RBM20: variants seen among roughly 807,000 people sequenced by gnomAD.
The protein encoded by RBM20 is RNA binding motif protein 20, also known as RNA-binding protein 20.
In RBM20, 51 loss-of-function variants were observed where a neutral mutation model predicts 110.1. That is an observed-to-expected ratio of 0.46 (90% CI 0.37 to 0.59). The LOEUF (loss-of-function observed/expected upper bound fraction) is 0.59, where lower values mean the gene tolerates loss of function less well. Among genes scored for constraint, RBM20 ranks in the 20% least tolerant of loss-of-function variants. The pLI is 0.00. For synonymous variants in RBM20, 589 were observed against 618.2 expected, an observed-to-expected ratio of 0.95 and a Z score of 0.70; for missense variants, 1,512 against 1,574.9, an observed-to-expected ratio of 0.96 and a Z score of 0.68.
chr10:110,782,545 T>C (rs918478769), intron 2 of RBM20, among the ~76,000 whole-genome samples: 2 of 152,234 alleles, frequency 1.3e-5, no homozygotes, highest in Non-Finnish European at 2.9e-5. Context: ...ACCCTTTCTG[T>C]GTGCCAGCAG....
chr10:110,811,936 G>A (rs10885051), intron 8 of RBM20, among the ~76,000 whole-genome samples: 1 of 151,942 alleles, frequency 6.6e-6, no homozygotes, highest in East Asian at 1.9e-4. Context: ...CCCAGGAGGA[G>A]AGTCAGAGGT....
At chr10:110,816,150 G>T in intron 9 of RBM20, among the ~76,000 whole-genome samples, 1 of 152,052 alleles carries the variant, frequency 6.6e-6, no homozygotes, top group East Asian at 1.9e-4. Flanking sequence ...TGCTGCTGCC[G>T]AGGAGCCACA....
chr10:110,748,805 C>T (rs866559156), intron 1 of RBM20, among the ~76,000 whole-genome samples: 24 of 152,172 alleles, frequency 1.6e-4, no homozygotes, highest in Non-Finnish European at 4.4e-5. Flanking sequence ...GGGCAATCAT[C>T]ATGACTATTT....
chr10:110,828,610 AG>A (rs1845010886), intron 12 of RBM20, among the ~76,000 whole-genome samples: 1 of 152,210 alleles, frequency 6.6e-6, no homozygotes, highest in Admixed American at 6.5e-5. Flanking sequence ...TCTCCAAACC[AG>A]TATTTTTGAG....
chr10:110,784,232 T>G (rs1188299421), intron 3 of RBM20, 109 bp from the exon 4 acceptor site: 1 of 754,972 alleles, frequency 1.3e-6, no homozygotes, highest in East Asian at 2.7e-5. Context: ...TTTGAACACC[T>G]GTTTTCAACT....
intron 10 of RBM20, 42 bp downstream of exon 10, chr10:110,820,218 T>TCCTGTGACTCAGTCCCTCATG: frequency 1.4e-6 from 2 of 1,379,768 alleles, no homozygotes; most frequent in Non-Finnish European, 2.0e-6. Flanking sequence ...CATGAGGGAC[T>TCCTGTGACTCAGTCCCTCATG]GAGTCACAGG....
intron 1 of RBM20, among the ~76,000 whole-genome samples, chr10:110,662,616 A>G (rs1862121001): frequency 6.6e-6 from 1 of 152,248 alleles, no homozygotes; most frequent in Admixed American, 6.5e-5. Flanking sequence ...ATATCTAGCA[A>G]AAGTACATGT....
chr10:110,833,129 A>C (rs894689286), intron 13 of RBM20, among the ~76,000 whole-genome samples: 2 of 151,440 alleles, frequency 1.3e-5, no homozygotes, highest in African/African-American at 4.9e-5. Context: ...AGTGGCTCAC[A>C]CCTGTAATCC....
At chr10:110,823,740 C>T (rs1251527234) in intron 12 of RBM20, 126 bp downstream of exon 12, 2 of 1,008,402 alleles carry the variant, frequency 2.0e-6, no homozygotes, top group Non-Finnish European at 3.0e-6. Context: ...TCTTTTGAGA[C>T]AAGGTCTCAC....
At chr10:110,832,875 C>T (rs1034584112) in intron 13 of RBM20, among the ~76,000 whole-genome samples, 3 of 152,206 alleles carry the variant, frequency 2.0e-5, no homozygotes, top group South Asian at 2.1e-4. Context: ...CTAGGCCTCT[C>T]CTCGGGCAAG....
At chr10:110,749,241 A>G (rs906013872) in intron 1 of RBM20, among the ~76,000 whole-genome samples, 1 of 152,232 alleles carries the variant, frequency 6.6e-6, no homozygotes, top group Non-Finnish European at 1.5e-5. Context: ...TGGAGATGAT[A>G]TGGTTGTGTA....
Position 110,810,414 on chromosome 10 carries a change from A to T in RBM20, c.1832A>T (p.Gln611Leu). Residue 611 changes from glutamine (Q) to leucine (L), a missense_variant, in exon 8 of 14, where the codon CAG (glutamine) becomes CTG (leucine). Physicochemically the swap from Gln to Leu is moderately radical, Grantham distance 113. Coordinates refer to ENST00000369519, the MANE Select transcript of RBM20 (RefSeq NM_001134363.3). The stretch of plus-strand genomic sequence containing the variant: ...GGGAAGGCCGTGGCTGCCATCATCC[A>T]GGACATCCATTCCCAGAGGGAGAGG... Reference protein sequence around the residue: ...KPGKAVAAIIQDIHSQRERDM... With the variant: ...KPGKAVAAIILDIHSQRERDM... 1 of 1,551,608 alleles carries T rather than the reference A, an allele frequency of 6.4e-7. No individual in the cohort carries two copies. The highest frequency in any genetic ancestry group is 8.7e-7 in the Non-Finnish European group (1 of 1,146,924).
intron 1 of RBM20, among the ~76,000 whole-genome samples, chr10:110,688,426 A>G (rs80288050): frequency 6.6e-6 from 1 of 152,208 alleles, no homozygotes; most frequent in African/African-American, 2.4e-5. Flanking sequence ...TTTTCAAAAT[A>G]AAAAAGATTC....
At chr10:110,743,263 A>G (rs781503589) in intron 1 of RBM20, among the ~76,000 whole-genome samples, 6 of 152,226 alleles carry the variant, frequency 3.9e-5, no homozygotes, top group Non-Finnish European at 7.3e-5. Context: ...CTAAACCTCC[A>G]ATGGGGTAAA....
chr10:110,698,402 G>C (rs973669536), intron 1 of RBM20, among the ~76,000 whole-genome samples: 4 of 152,218 alleles, frequency 2.6e-5, no homozygotes, highest in Non-Finnish European at 4.4e-5. Context: ...GCCAGAAGGA[G>C]AGCACCAGGA....
At chr10:110,745,172 G>T (rs1226534246) in intron 1 of RBM20, among the ~76,000 whole-genome samples, 1 of 152,202 alleles carries the variant, frequency 6.6e-6, no homozygotes, top group African/African-American at 2.4e-5. Flanking sequence ...ATAGAGTCCA[G>T]TTCTTCTAAG....
At chr10:110,768,129 C>G (rs1590665729) in intron 1 of RBM20, among the ~76,000 whole-genome samples, 1 of 152,212 alleles carries the variant, frequency 6.6e-6, no homozygotes, top group South Asian at 2.1e-4. Context: ...ACTCGGCAGG[C>G]TGAGGCAGGA....
At chr10:110,729,885 G>A (rs912499384) in intron 1 of RBM20, among the ~76,000 whole-genome samples, 4 of 152,114 alleles carry the variant, frequency 2.6e-5, no homozygotes, top group African/African-American at 7.2e-5. Flanking sequence ...GTGCAACCTC[G>A]GCTCACTGCG....
At chr10:110,774,975 T>C (rs1459362959) in intron 1 of RBM20, among the ~76,000 whole-genome samples, 2 of 152,218 alleles carry the variant, frequency 1.3e-5, no homozygotes, top group Non-Finnish European at 2.9e-5. Context: ...AAATAAGGAA[T>C]GTTTTAAAGA....
Sources: gnomAD v4.1 joint callset for allele counts (sites outside exome capture counted in the v4.1 genomes callset) on GRCh38, gnomAD v4.1.1 for gene constraint, MANE v1.5 for transcripts, NCBI Gene and HGNC (gene_info 2026-07-23, HGNC 2026-07-21) for gene names.